The following CCDC25 variants were observed in gnomAD, a reference collection of about 807,000 sequenced individuals.
The protein encoded by CCDC25 is coiled-coil domain containing 25, also known as coiled-coil domain-containing protein 25.
Under a neutral mutation model 35.3 loss-of-function variants are expected in CCDC25, and 16 were observed. The observed-to-expected ratio is 0.45, with a 90% CI of 0.31 to 0.69. CCDC25 has a LOEUF of 0.69. Among genes scored for constraint, CCDC25 ranks in the 30% least tolerant of loss-of-function variants. CCDC25 has a pLI of 0.06. For missense variants in CCDC25, 179 were observed against 250.7 expected (o/e 0.71, Z 1.93); for synonymous variants, 79 against 80.3 (o/e 0.98, Z 0.09).
chr8:27,749,173 C>A (rs1002253830), intron 5 of CCDC25, among the ~76,000 whole-genome samples: 1 of 152,204 alleles, frequency 6.6e-6, no homozygotes, highest in African/African-American at 2.4e-5. Context: ...AAAGCAGAGG[C>A]GCTCTGGATG....
chr8:27,735,633 G>A lies in CCDC25; in HGVS notation c.*583C>T, dbSNP rs1048887. 0.43 allele frequency: 66,083 copies of A among 152,056 alleles called. 14,634 individuals are homozygous for A. The highest frequency in any genetic ancestry group is 0.63 in the East Asian group (3,253 of 5,156). 9.4% of individuals were successfully genotyped at this position (152,056 alleles called of 1,614,324 possible). ...GCCTCTGCTCAGAGGAAGCAAGGACGTAAACGCTGGGACAGACTGCACTGA... is the reference window on the plus strand; with the variant it reads ...GCCTCTGCTCAGAGGAAGCAAGGACATAAACGCTGGGACAGACTGCACTGA... On this transcript the variant is annotated 3_prime_UTR_variant, in exon 9 of 9. Transcript: ENST00000356537.
chr8:27,767,231 T>C (rs1212867119), intron 1 of CCDC25, among the ~76,000 whole-genome samples: 2 of 152,132 alleles, frequency 1.3e-5, no homozygotes, highest in Non-Finnish European at 2.9e-5. Context: ...CCAGGTGTGG[T>C]GGCACACGCC....
intron 3 of CCDC25, among the ~76,000 whole-genome samples, chr8:27,759,630 A>T (rs1376348424): frequency 1.7e-5 from 2 of 118,420 alleles, no homozygotes; most frequent in African/African-American, 3.2e-5. Flanking sequence ...AAAAAAAAAA[A>T]TTAGCCTGGT....
chr8:27,741,287 G>C (rs887982492), intron 7 of CCDC25, among the ~76,000 whole-genome samples: 1 of 152,170 alleles, frequency 6.6e-6, no homozygotes, highest in African/African-American at 2.4e-5. Flanking sequence ...CGGATGAGAA[G>C]AAAACAGAAA....
intron 2 of CCDC25, chr8:27,764,243 T>A: frequency 6.3e-6 from 1 of 159,304 alleles, no homozygotes. Flanking sequence ...ACTCTAAGAG[T>A]TCCCAGGGAA....
intron 5 of CCDC25, among the ~76,000 whole-genome samples, 160 bp downstream of exon 5, chr8:27,752,351 CA>C (rs1803841096): frequency 6.6e-6 from 1 of 152,076 alleles, no homozygotes; most frequent in South Asian, 2.1e-4. Context: ...TGACAGGTAC[CA>C]AAATTGCCAT....
intron 2 of CCDC25, 57 bp from the exon 3 acceptor site, chr8:27,762,515 G>A: frequency 6.6e-7 from 1 of 1,518,644 alleles, no homozygotes; most frequent in East Asian, 2.3e-5. Context: ...AGATATGCCA[G>A]GGTTTATAAG....
intron 1 of CCDC25, among the ~76,000 whole-genome samples, chr8:27,767,228 T>C (rs758981110): frequency 8.5e-5 from 13 of 152,072 alleles, no homozygotes; most frequent in Admixed American, 2.0e-4. Context: ...TAGCCAGGTG[T>C]GGTGGCACAC....
At chr8:27,747,119 C>T (rs1401054214) in intron 7 of CCDC25, among the ~76,000 whole-genome samples, 1 of 152,156 alleles carries the variant, frequency 6.6e-6, no homozygotes, top group African/African-American at 2.4e-5. Flanking sequence ...TCTGCGGGTA[C>T]AGCACTGTAT....
At chr8:27,740,649 C>CCTG in intron 7 of CCDC25, 132 bp from the exon 8 acceptor site, 1 of 704,550 alleles carries the variant, frequency 1.4e-6, no homozygotes, top group Non-Finnish European at 2.4e-6. Flanking sequence ...TAGATATAAT[C>CCTG]TCTGCACTCA....
At position 27,756,869 on chromosome 8, in the gene CCDC25, C is replaced by G. The variant is rs575650405; in HGVS notation, c.117-99G>C. ...CATTCTGTTCTAAAAAGTCTTCACT[C>G]CATGCCTGCCACATGTGAAGCATCA... On this transcript the variant is annotated intron_variant, in intron 3 of 8. Transcript: ENST00000356537. 3.8e-6 allele frequency: 3 copies of G among 799,564 alleles called. No homozygotes were observed. The East Asian group carries it at 7.5e-5, about 20-fold the overall frequency. 49.5% of individuals were successfully genotyped at this position (799,564 alleles called of 1,614,324 possible).
At chr8:27,754,135 A>G (rs1052632151) in intron 4 of CCDC25, among the ~76,000 whole-genome samples, 2 of 152,176 alleles carry the variant, frequency 1.3e-5, no homozygotes, top group Non-Finnish European at 2.9e-5. Flanking sequence ...CTAAGAAAAT[A>G]ATGAAAAACA....
intron 2 of CCDC25, among the ~76,000 whole-genome samples, chr8:27,763,156 T>A (rs1804283420): frequency 6.6e-6 from 1 of 152,202 alleles, no homozygotes; most frequent in Non-Finnish European, 1.5e-5. Flanking sequence ...CTTATATGAA[T>A]AAACTTTTCT....
In CCDC25 at chr8:27,734,229, T is replaced by C. The variant is rs1295089516; in HGVS notation, c.*1987A>G. ...CCTAGACAAAGGTGGATAAGAAATA[T>C]GAAGTCTAAAGCTATAGAATATAGC... On this transcript the variant is annotated 3_prime_UTR_variant, in exon 9 of 9. Transcript: ENST00000356537. 1 of 152,162 alleles carries C rather than the reference T, an allele frequency of 6.6e-6. No individual in the cohort carries two copies. Among genetic ancestry groups the C allele is most frequent in the African/African-American group, 2.4e-5 (1 of 41,426 alleles). The allele number at this position is 152,162 out of a possible 1,614,324, so 9.4% of individuals were successfully genotyped here.
intron 3 of CCDC25, among the ~76,000 whole-genome samples, chr8:27,758,689 A>G (rs1432563131): frequency 6.6e-6 from 1 of 152,168 alleles, no homozygotes; most frequent in Non-Finnish European, 1.5e-5. Flanking sequence ...TCCAACTTTT[A>G]TTTGCCTTAA....
chr8:27,756,598 G>T, intron 4 of CCDC25, 121 bp downstream of exon 4: 1 of 678,790 alleles, frequency 1.5e-6, no homozygotes, highest in Non-Finnish European at 2.6e-6. Context: ...GTCTTCATTT[G>T]TTAACTTTTA....
intron 3 of CCDC25, 47 bp from the exon 4 acceptor site, chr8:27,756,817 T>G: frequency 7.5e-7 from 1 of 1,327,566 alleles, no homozygotes; most frequent in Non-Finnish European, 1.1e-6. Context: ...AAGACAATCA[T>G]CTCCTCAGGC....
chr8:27,759,206 C>T (rs934699265), intron 3 of CCDC25, among the ~76,000 whole-genome samples: 1 of 152,180 alleles, frequency 6.6e-6, no homozygotes, highest in African/African-American at 2.4e-5. Context: ...GATTCAGGGC[C>T]CTGGAGCTGG....
In CCDC25 at chr8:27,737,985, CTA is replaced by C. The variant is rs1490954944; in HGVS notation, c.598-1742_598-1741del. Among the ~76,000 whole-genome samples the C allele has an allele frequency of 6.6e-6, 1 of 151,742 alleles. No homozygotes were observed. The highest frequency in any genetic ancestry group is 2.4e-5 in the African/African-American group (1 of 41,270). ...GCAGTGACCTGGATGAGACTGGAGA[CTA>C]TTATTCTAAGTGAAGTAACTCAGGA... On this transcript the variant is annotated intron_variant, in intron 8 of 8. Transcript: ENST00000356537. The surrounding 1 kb of genome is among the most constrained non-coding windows in gnomAD (Gnocchi z 4.6).
Sources: allele counts gnomAD v4.1 joint callset (sites outside exome capture counted in the v4.1 genomes callset), GRCh38; gene constraint gnomAD v4.1.1; non-coding constraint Gnocchi (gnomAD v3.1); transcripts MANE v1.5; gene names NCBI Gene and HGNC (gene_info 2026-07-23, HGNC 2026-07-21).